Variants in UNC5D observed in about 807,000 individuals in gnomAD.
The protein encoded by UNC5D is unc-5 netrin receptor D.
In UNC5D, 39 loss-of-function variants were observed where a neutral mutation model predicts 105.4. The ratio of observed to expected loss-of-function variants is 0.37; its 90% confidence interval spans 0.29 to 0.48. UNC5D has a LOEUF of 0.48. UNC5D is among the 20% of genes least tolerant of loss of function. UNC5D has a pLI of 0.98. For synonymous variants in UNC5D, 452 were observed against 450.4 expected, an observed-to-expected ratio of 1.00 and a Z score of -0.04; for missense variants, 991 against 1,202.4, an observed-to-expected ratio of 0.82 and a Z score of 2.60.
chr8:35,427,738 A>G (rs546535395), intron 1 of UNC5D, among the ~76,000 whole-genome samples: 1 of 152,304 alleles, frequency 6.6e-6, no homozygotes, highest in South Asian at 2.1e-4. Flanking sequence ...AGAATAATTT[A>G]TCCTTGGTTC....
At chr8:35,269,779 G>A (rs559500644) in intron 1 of UNC5D, among the ~76,000 whole-genome samples, 112 of 152,270 alleles carry the variant, frequency 7.4e-4, no homozygotes, top group African/African-American at 2.6e-3. Flanking sequence ...ATGACCCAGT[G>A]AAGCAGGTCC....
chr8:35,630,974 C>CTAG (rs1332174880), intron 4 of UNC5D, among the ~76,000 whole-genome samples: 73 of 152,296 alleles, frequency 4.8e-4, no homozygotes, highest in Non-Finnish European at 7.9e-4. Context: ...AGGTTTTCTC[C>CTAG]TTTGTGGAAA....
chr8:35,237,167 A>G (rs1326376684), intron 1 of UNC5D, among the ~76,000 whole-genome samples: 1 of 100,008 alleles, frequency 1.0e-5, no homozygotes, highest in African/African-American at 3.9e-5. Flanking sequence ...TTTGCATTTC[A>G]TTTCCTGAAA....
At chr8:35,617,925 A>C (rs910639281) in intron 4 of UNC5D, among the ~76,000 whole-genome samples, 8 of 152,274 alleles carry the variant, frequency 5.3e-5, no homozygotes, top group African/African-American at 1.9e-4. Flanking sequence ...CTCTCAACAG[A>C]TTCTCTCTAT....
Position 35,704,731 on chromosome 8 carries a change from A to G in UNC5D, c.1085-1198A>G, listed in dbSNP as rs1157632527. On this transcript the variant is annotated intron_variant, in intron 7 of 16. Transcript: ENST00000404895. ...AAGGGCAGTCACCTTGGGTTCCTGCATGGTGGTGGAGTTGTGTGAGCCTGA... is the reference window on the plus strand; with the variant it reads ...AAGGGCAGTCACCTTGGGTTCCTGCGTGGTGGTGGAGTTGTGTGAGCCTGA... Among the ~76,000 whole-genome samples the G allele has an allele frequency of 2.0e-5, 3 of 152,124 alleles. No homozygotes were observed. The East Asian group carries it at 5.8e-4, about 30-fold the overall frequency.
intron 1 of UNC5D, among the ~76,000 whole-genome samples, chr8:35,316,089 T>C (rs1809284680): frequency 6.6e-6 from 1 of 152,182 alleles, no homozygotes. Context: ...GACTAGGCAG[T>C]ACATTAATCG....
intron 1 of UNC5D, among the ~76,000 whole-genome samples, chr8:35,403,806 C>T (rs2128951947): frequency 6.6e-6 from 1 of 152,318 alleles, no homozygotes; most frequent in Middle Eastern, 3.4e-3. Flanking sequence ...TTGTCTTCTT[C>T]AACTGAATAA....
At chr8:35,694,269 T>C (rs960586007) in intron 7 of UNC5D, among the ~76,000 whole-genome samples, 13 of 152,034 alleles carry the variant, frequency 8.6e-5, no homozygotes, top group Non-Finnish European at 1.5e-4. Context: ...CTGGCCTAGG[T>C]TGGGCCTAGA....
chr8:35,604,168 G>T (rs1027983484), intron 4 of UNC5D, among the ~76,000 whole-genome samples: 1 of 152,134 alleles, frequency 6.6e-6, no homozygotes, highest in African/African-American at 2.4e-5. Context: ...GCATGTTTTT[G>T]CAGTGGCTGG....
chr8:35,706,311 A>C (rs1433836224), intron 8 of UNC5D, among the ~76,000 whole-genome samples: 2 of 152,206 alleles, frequency 1.3e-5, no homozygotes, highest in East Asian at 3.8e-4. Context: ...CTTGGGCAAA[A>C]GCCTGACTAC....
chr8:35,368,432 T>A (rs986278149), intron 1 of UNC5D, among the ~76,000 whole-genome samples: 54 of 152,274 alleles, frequency 3.5e-4, no homozygotes, highest in African/African-American at 1.3e-3. Context: ...AGTTCATTCC[T>A]GAATACTTCA....
intron 1 of UNC5D, among the ~76,000 whole-genome samples, chr8:35,259,405 T>C (rs974830022): frequency 2.0e-5 from 3 of 152,142 alleles, no homozygotes; most frequent in Non-Finnish European, 4.4e-5. Context: ...GCTACCATAA[T>C]AGTTGTTTGG....
intron 8 of UNC5D, among the ~76,000 whole-genome samples, chr8:35,714,703 G>A (rs762641118): frequency 1.3e-5 from 2 of 152,214 alleles, no homozygotes; most frequent in African/African-American, 2.4e-5. Flanking sequence ...GATGAAGAAT[G>A]GTATAGTTGA....
At chr8:35,666,982 G>A (rs1475021187) in intron 4 of UNC5D, among the ~76,000 whole-genome samples, 2 of 152,064 alleles carry the variant, frequency 1.3e-5, no homozygotes, top group Non-Finnish European at 2.9e-5. Flanking sequence ...GTAAAATGTG[G>A]TATGAGACTT....
At chr8:35,637,551 C>A (rs926599525) in intron 4 of UNC5D, among the ~76,000 whole-genome samples, 2 of 152,092 alleles carry the variant, frequency 1.3e-5, no homozygotes, top group East Asian at 1.9e-4. Flanking sequence ...TTTCATGAGG[C>A]CTCTCTAATG....
chr8:35,354,298 T>G (rs1801431155), intron 1 of UNC5D, among the ~76,000 whole-genome samples: 1 of 152,124 alleles, frequency 6.6e-6, no homozygotes, highest in Admixed American at 6.6e-5. Context: ...TTTTGATATA[T>G]TAAGCAAAGC....
chr8:35,351,914 A>G (rs1208796672), intron 1 of UNC5D, among the ~76,000 whole-genome samples: 2 of 152,242 alleles, frequency 1.3e-5, no homozygotes, highest in South Asian at 2.1e-4. Context: ...ACATGCATAC[A>G]TTGGTTAACT....
intron 1 of UNC5D, among the ~76,000 whole-genome samples, chr8:35,507,047 T>TAG (rs1812350508): frequency 7.3e-6 from 1 of 137,910 alleles, no homozygotes; most frequent in South Asian, 2.3e-4. Flanking sequence ...ATCAGGGCTT[T>TAG]TCTTTTTTTT....
At chr8:35,449,653 A>G (rs1382881256) in intron 1 of UNC5D, among the ~76,000 whole-genome samples, 1 of 152,116 alleles carries the variant, frequency 6.6e-6, no homozygotes, top group Non-Finnish European at 1.5e-5. Context: ...ACTCTATGTC[A>G]TCCTGTTGTC....
Sources: allele counts gnomAD v4.1 joint callset (sites outside exome capture counted in the v4.1 genomes callset), GRCh38; gene constraint gnomAD v4.1.1; transcripts MANE v1.5; gene names NCBI Gene and HGNC (gene_info 2026-07-23, HGNC 2026-07-21).